The following SEC14L4 variants were observed in gnomAD, a reference collection of about 807,000 sequenced individuals.
SEC14L4 encodes SEC14-like protein 4.
SEC14L4 carries 42 observed loss-of-function variants against 55.1 expected under a neutral mutation model. The ratio of observed to expected loss-of-function variants is 0.76; its 90% CI spans 0.60 to 0.99. SEC14L4 has a LOEUF of 0.99. SEC14L4 is among the 50% of genes least tolerant of loss of function. SEC14L4 has a pLI of 0.00. For synonymous variants in SEC14L4, 206 were observed against 206.8 expected, an observed-to-expected ratio of 1.00 and a Z score of 0.03; for missense variants, 445 against 512.1, an observed-to-expected ratio of 0.87 and a Z score of 1.27.
At chr22:30,503,134 ACCTGTTG>A in intron 2 of SEC14L4, among the ~76,000 whole-genome samples, 1 of 152,332 alleles carries the variant, frequency 6.6e-6, no homozygotes, top group South Asian at 2.1e-4. Flanking sequence ...CTCTGTGCCC[ACCTGTTG>A]CCTCATCCTT....
intron 2 of SEC14L4, among the ~76,000 whole-genome samples, chr22:30,498,232 C>A (rs1936212902): frequency 6.7e-6 from 1 of 149,046 alleles, no homozygotes; most frequent in Non-Finnish European, 1.5e-5. Context: ...AGGCAATTCT[C>A]ATGCCTCAGC....
At chr22:30,502,074 C>T (rs913588043) in intron 2 of SEC14L4, among the ~76,000 whole-genome samples, 1 of 151,644 alleles carries the variant, frequency 6.6e-6, no homozygotes, top group Non-Finnish European at 1.5e-5. Context: ...CTATGTTGGC[C>T]AGGCTGGTCT....
At chr22:30,490,319 GCATCC>G in intron 11 of SEC14L4, 73 bp from the exon 12 acceptor site, 1 of 1,595,598 alleles carries the variant, frequency 6.3e-7, no homozygotes, top group South Asian at 1.1e-5. Context: ...CTGCATGGGT[GCATCC>G]CTGGAACCCT....
intron 2 of SEC14L4, among the ~76,000 whole-genome samples, chr22:30,502,737 G>A (rs1346012056): frequency 6.6e-6 from 1 of 151,966 alleles, no homozygotes; most frequent in Non-Finnish European, 1.5e-5. Flanking sequence ...TTTTTGTAGA[G>A]ATGAGGTTTC....
chr22:30,495,608 T>C lies in SEC14L4; in HGVS notation c.209A>G (p.Asn70Ser), dbSNP rs763965241. ...CTCAGGGGGCTGCCATGTGACAATGTTGTCCAGGTCTTGTTGCTTCCGGAA... is the reference window on the plus strand; with the variant it reads ...CTCAGGGGGCTGCCATGTGACAATGCTGTCCAGGTCTTGTTGCTTCCGGAA... ...MEFRKQQDLDNIVTWQPPEVI... is the reference protein window; with the variant it reads ...MEFRKQQDLDSIVTWQPPEVI... Residue 70 changes from asparagine to serine, a missense_variant, in exon 4 of 12, where the codon AAC becomes AGC. Physicochemically the swap from Asn to Ser is conservative, Grantham distance 46. Transcript: ENST00000255858. 14 of 1,613,900 alleles carry C rather than the reference T, an allele frequency of 8.7e-6. No individual in the cohort carries two copies. The highest frequency in any genetic ancestry group is 2.7e-5 in the African/African-American group (2 of 74,902).
intron 2 of SEC14L4, 151 bp from the exon 3 acceptor site, chr22:30,496,122 T>C: frequency 1.5e-6 from 1 of 654,116 alleles, no homozygotes; most frequent in East Asian, 2.7e-5. Context: ...TTTGTTTGTT[T>C]GTGTGTTTAT....
intron 7 of SEC14L4, among the ~76,000 whole-genome samples, chr22:30,493,186 T>C (rs547874985): frequency 6.6e-6 from 1 of 151,744 alleles, no homozygotes; most frequent in East Asian, 1.9e-4. Context: ...GGGTCAGCAA[T>C]ATTGATTCCC....
chr22:30,498,243 C>T (rs1359025007), intron 2 of SEC14L4, among the ~76,000 whole-genome samples: 2 of 151,560 alleles, frequency 1.3e-5, no homozygotes, highest in African/African-American at 2.4e-5. Context: ...ATGCCTCAGC[C>T]TCCTGAGTAG....
At chr22:30,503,061 C>A (rs1287640316) in intron 2 of SEC14L4, among the ~76,000 whole-genome samples, 6 of 152,204 alleles carry the variant, frequency 3.9e-5, no homozygotes, top group Non-Finnish European at 8.8e-5. Context: ...AACATCTGCC[C>A]CAAGGGCTGG....
chr22:30,490,163 C>G lies in SEC14L4; in HGVS notation c.1165G>C (p.Ala389Pro), dbSNP rs372907232. 1.9e-6 allele frequency: 3 copies of G among 1,614,166 alleles called. No individual in the cohort carries two copies. The highest frequency in any genetic ancestry group is 8.5e-7 in the Non-Finnish European group (1 of 1,180,028). The change falls in exon 12 of 12, where the codon GCC becomes CCC. Residue 389 changes from alanine to proline, a missense_variant. Ala to Pro is a conservative substitution (Grantham distance 27, BLOSUM62 -1). Transcript: ENST00000255858. ...AGACTCTGCAGCGTCTCCTCAGAGG[C>G]CTTGTCGGGAAGCAGCACCTCCACA... ...YTVEVLLPDKASEETLQSLKA... is the reference protein window; with the variant it reads ...YTVEVLLPDKPSEETLQSLKA...
intron 2 of SEC14L4, among the ~76,000 whole-genome samples, chr22:30,503,306 C>A (rs570537200): frequency 1.3e-5 from 2 of 151,870 alleles, no homozygotes; most frequent in Non-Finnish European, 2.9e-5. Flanking sequence ...CTCTTGATGC[C>A]CAGGCTGGAG....
rs566483143 is a variant in SEC14L4, at chr22:30,504,787, G to A, written c.54+771C>T. ...ACCAACAGAGCTGAAGGCAAAGGCT[G>A]GGTTTGAAGGTGAATCTGTGAATCC... is the stretch of plus-strand genomic sequence containing the variant. On this transcript the variant is annotated intron_variant, in intron 1 of 11. Transcript: ENST00000255858. Among the ~76,000 whole-genome samples the A allele has an allele frequency of 2.8e-4, 42 of 152,290 alleles. No individual in the cohort carries two copies. In the South Asian group the frequency reaches 8.5e-3, roughly 31 times the overall value.
Position 30,489,759 on chromosome 22 carries a change from C to T in SEC14L4, c.*348G>A. The stretch of plus-strand genomic sequence containing the variant: ...CACCCCCTGAAGCTGGAACACCAGG[C>T]ATGGGTGAGTCCTGGGTGGCTGGAT... On this transcript the variant is annotated 3_prime_UTR_variant, in exon 12 of 12. Transcript: ENST00000255858. 2 of 1,082,268 alleles carry T rather than the reference C, an allele frequency of 1.8e-6. No individual in the cohort carries two copies. Among genetic ancestry groups the T allele is most frequent in the Non-Finnish European group, 2.8e-6 (2 of 719,582 alleles). 67.0% of individuals were successfully genotyped at this position (1,082,268 alleles called of 1,614,324 possible). A position where few individuals can be genotyped will look rare whatever the true frequency, so the allele number is the denominator to read the frequency against.
intron 2 of SEC14L4, among the ~76,000 whole-genome samples, chr22:30,498,867 C>T (rs4820014): frequency 0.029 from 4,408 of 152,166 alleles, 98 homozygotes; most frequent in Middle Eastern, 0.052. Context: ...TCAATGACAC[C>T]GATAGATATT....
At position 30,503,338 on chromosome 22, in the gene SEC14L4, T is replaced by C. The variant is rs5997668; in HGVS notation, c.130+339A>G. ...GGAGTGCAATGGCGGGATCTCGGCT[T>C]ACCGCAACCTCTGCCTCCCGGGTTC... is the stretch of plus-strand genomic sequence containing the variant. On this transcript the variant is annotated intron_variant, in intron 2 of 11. Transcript: ENST00000255858. Among the ~76,000 whole-genome samples, 580 of 152,004 alleles carry C rather than the reference T, an allele frequency of 3.8e-3. 1 individual carries two copies. The highest frequency in any genetic ancestry group is 0.013 in the African/African-American group (551 of 41,468).
At position 30,491,644 on chromosome 22, in the gene SEC14L4, A is replaced by G. The variant is rs758978373; in HGVS notation, c.1010T>C (p.Leu337Pro). ...GTGGGCATTGTAGCGCTGGCTGGGC[A>G]GCACCTCCGTCATCTCCCTAGCACT... is the stretch of plus-strand genomic sequence containing the variant. ...QQSAREMTEV[L>P]PSQRYNAHMV... The change falls in exon 11 of 12, where the codon CTG (leucine) becomes CCG (proline). Residue 337 changes from leucine to proline, a missense_variant. Coordinates refer to ENST00000255858, the MANE Select transcript of SEC14L4 (RefSeq NM_174977.4). The G allele has an allele frequency of 2.5e-6, 4 of 1,614,166 alleles. No individual in the cohort carries two copies. The highest frequency in any genetic ancestry group is 1.7e-6 in the Non-Finnish European group (2 of 1,180,014).
rs762625828 is a variant in SEC14L4 at position 30,495,992 on chromosome 22, T to C, written c.131-21A>G. 9 of 1,612,486 alleles carry C rather than the reference T, an allele frequency of 5.6e-6. No individual in the cohort carries two copies. In the East Asian group the frequency reaches 1.1e-4, roughly 20 times the overall value. On this transcript the variant is annotated intron_variant, in intron 2 of 11. Transcript: ENST00000255858. ...TCGAGCTGCAAGAAGAGGAGGTAAATAGAAGCTCAAGGCTAGATCCAGAAA... is the reference window on the plus strand; with the variant it reads ...TCGAGCTGCAAGAAGAGGAGGTAAACAGAAGCTCAAGGCTAGATCCAGAAA...
At chr22:30,501,846 C>CACAT (rs1371947748) in intron 2 of SEC14L4, among the ~76,000 whole-genome samples, 5 of 111,910 alleles carry the variant, frequency 4.5e-5, no homozygotes, top group African/African-American at 1.8e-4. Context: ...CACACACGCA[C>CACAT]ATATATATAT....
In SEC14L4 at chr22:30,491,956, C is replaced by T; in HGVS notation, c.789G>A (p.Glu263=). 5 of 1,614,012 alleles carry T rather than the reference C, an allele frequency of 3.1e-6. No homozygotes were observed. Among genetic ancestry groups the T allele is most frequent in the Non-Finnish European group, 4.2e-6 (5 of 1,179,966 alleles). Residue 263 remains glutamate (E), a synonymous_variant, in exon 10 of 12, where the codon GAG becomes GAA. Transcript: ENST00000255858. ...KCLTKINYGG[E]VPKSYYLCEQ... Reference sequence around the variant, plus strand: ...CGCACAGGTAGTAGCTCTTGGGCACCTCACCCCCATAGTTGATCTGTGGGT... The same window carrying T: ...CGCACAGGTAGTAGCTCTTGGGCACTTCACCCCCATAGTTGATCTGTGGGT...
Sources: gnomAD v4.1 joint callset for allele counts (sites outside exome capture counted in the v4.1 genomes callset) on GRCh38, gnomAD v4.1.1 for gene constraint, MANE v1.5 for transcripts, NCBI Gene and HGNC (gene_info 2026-07-23, HGNC 2026-07-21) for gene names.